The following RIC1 variants were observed in gnomAD, a reference collection of about 807,000 sequenced individuals.
RIC1 encodes guanine nucleotide exchange factor subunit RIC1.
A neutral mutation model predicts 169.0 loss-of-function variants in RIC1; 88 were observed. The ratio of observed to expected loss-of-function variants is 0.52; its 90% CI spans 0.44 to 0.62. The LOEUF is 0.62. Among genes scored for constraint, RIC1 ranks in the 20% least tolerant of loss-of-function variants. RIC1 has a pLI of 0.00. For missense variants in RIC1, 1,877 were observed against 1,725.5 expected (o/e 1.09, Z -1.56); for synonymous variants, 790 against 601.5 (o/e 1.31, Z -4.59).
chr9:5,648,222 G>C (rs992682215), intron 1 of RIC1, among the ~76,000 whole-genome samples: 3 of 152,138 alleles, frequency 2.0e-5, no homozygotes, highest in Non-Finnish European at 2.9e-5. Flanking sequence ...GACCTCAGGT[G>C]ATCCACCTGT....
At chr9:5,636,218 C>T (rs1304259763) in intron 1 of RIC1, among the ~76,000 whole-genome samples, 1 of 152,166 alleles carries the variant, frequency 6.6e-6, no homozygotes, top group Non-Finnish European at 1.5e-5. Flanking sequence ...TTTGTACCTT[C>T]TTCAGTTTAT....
At chr9:5,699,481 A>G (rs946576603) in intron 3 of RIC1, among the ~76,000 whole-genome samples, 1 of 146,396 alleles carries the variant, frequency 6.8e-6, no homozygotes, top group Non-Finnish European at 1.5e-5. Flanking sequence ...TATAGCTTAC[A>G]TTTATTTCAA....
Position 5,746,064 on chromosome 9 carries a change from T to C in RIC1, c.1229T>C (p.Leu410Pro). 1 of 1,613,458 alleles carries C rather than the reference T, an allele frequency of 6.2e-7. No individual in the cohort carries two copies. Among genetic ancestry groups the C allele is most frequent in the East Asian group, 2.2e-5 (1 of 44,874 alleles). Residue 410 changes from leucine (L) to proline (P), a missense_variant, in exon 11 of 26, where the codon CTC becomes CCC. Coordinates refer to ENST00000414202, the MANE Select transcript of RIC1 (RefSeq NM_020829.4). The part of the protein sequence containing the change: ...ILLFQFIKSV[L>P]TVNPCMSNQE... The stretch of plus-strand genomic sequence containing the variant: ...TTATTTCAGTTTATTAAGAGTGTAC[T>C]CACTGTAAACCCTTGTATGGTAAGT...
At chr9:5,671,851 C>T (rs1250798501) in intron 2 of RIC1, among the ~76,000 whole-genome samples, 2 of 152,108 alleles carry the variant, frequency 1.3e-5, no homozygotes, top group Non-Finnish European at 2.9e-5. Context: ...TTTGCCACTC[C>T]TTAAGGCACT....
intron 6 of RIC1, among the ~76,000 whole-genome samples, chr9:5,731,786 C>G (rs1175573386): frequency 6.6e-6 from 1 of 152,054 alleles, no homozygotes; most frequent in Non-Finnish European, 1.5e-5. Context: ...TTGAAACACC[C>G]TGAGAGGTAA....
At chr9:5,751,196 G>A (rs1319504815) in intron 12 of RIC1, among the ~76,000 whole-genome samples, 7 of 151,722 alleles carry the variant, frequency 4.6e-5, no homozygotes, top group Non-Finnish European at 8.8e-5. Context: ...TCCTTTTAGT[G>A]CAATGGATGA....
chr9:5,686,169 A>G (rs1006483514), intron 2 of RIC1, among the ~76,000 whole-genome samples: 2 of 151,374 alleles, frequency 1.3e-5, no homozygotes, highest in African/African-American at 4.9e-5. Context: ...ACAGTTTTAC[A>G]CTGTTGGTGG....
chr9:5,754,179 G>C (rs1825871389), intron 14 of RIC1, among the ~76,000 whole-genome samples: 1 of 152,062 alleles, frequency 6.6e-6, no homozygotes, highest in African/African-American at 2.4e-5. Context: ...AGGCACTACT[G>C]TTACTGATCT....
rs372487231 is a variant in RIC1 at position 5,742,779 on chromosome 9, G to C, written c.902-90G>C. ...CATACCTTTCTACTCATTTAGATTTGAAAATACAGATTGTATTTGAAAAAA... is the reference window on the plus strand; with the variant it reads ...CATACCTTTCTACTCATTTAGATTTCAAAATACAGATTGTATTTGAAAAAA... On this transcript the variant is annotated intron_variant, in intron 8 of 25. Coordinates refer to ENST00000414202, the MANE Select transcript of RIC1 (RefSeq NM_020829.4). 6.0e-5 allele frequency: 69 copies of C among 1,153,418 alleles called. 1 individual carries two copies. The African/African-American group carries it at 8.4e-4, about 14-fold the overall frequency. 71.4% of individuals were successfully genotyped at this position (1,153,418 alleles called of 1,614,324 possible). A position where few individuals can be genotyped will look rare whatever the true frequency, so the allele number is the denominator to read the frequency against.
intron 6 of RIC1, among the ~76,000 whole-genome samples, chr9:5,723,662 G>T (rs917749275): frequency 6.6e-6 from 1 of 152,148 alleles, no homozygotes; most frequent in Non-Finnish European, 1.5e-5. Context: ...GTATTGTCTA[G>T]GTTTTCTTCT....
At chr9:5,659,932 T>C (rs1029908035) in intron 2 of RIC1, among the ~76,000 whole-genome samples, 3 of 152,098 alleles carry the variant, frequency 2.0e-5, no homozygotes, top group African/African-American at 7.2e-5. Context: ...TTGCACAGAT[T>C]ATGCCATCAC....
intron 3 of RIC1, among the ~76,000 whole-genome samples, chr9:5,702,513 GTTTTGTTTTTGT>G (rs58007858): frequency 5.6e-4 from 84 of 150,866 alleles, no homozygotes; most frequent in Middle Eastern, 3.4e-3. Context: ...TTTTTGTTTT[GTTTTGTTTTTGT>G]TTTTGTTTTT....
At chr9:5,757,231 T>C (rs1586699724) in intron 16 of RIC1, 82 bp from the exon 17 acceptor site, 1 of 1,464,158 alleles carries the variant, frequency 6.8e-7, no homozygotes, top group East Asian at 2.3e-5. Flanking sequence ...AAGCATGAAA[T>C]CTAATACTAT....
chr9:5,753,779 GAT>G lies in RIC1; in HGVS notation c.1602+136_1602+137del, dbSNP rs1248961332. On this transcript the variant is annotated intron_variant, in intron 14 of 25. Coordinates refer to ENST00000414202, the MANE Select transcript of RIC1 (RefSeq NM_020829.4). ...TAAGGAAAATCAGATATAAAAAAGT[GAT>G]ATTGAATAATATGTAAGATTTGATT... 125 of 464,516 alleles carry G rather than the reference GAT, an allele frequency of 2.7e-4. 1 individual carries two copies. Among genetic ancestry groups the G allele is most frequent in the African/African-American group, 2.2e-3 (112 of 50,660 alleles). The allele number at this position is 464,516 out of a possible 1,614,324, so 28.8% of individuals were successfully genotyped here.
chr9:5,762,925 G>A (rs1826435428), intron 18 of RIC1, among the ~76,000 whole-genome samples: 1 of 152,194 alleles, frequency 6.6e-6, no homozygotes, highest in Admixed American at 6.5e-5. Flanking sequence ...GGATAGACTG[G>A]TGAAGTTCAT....
At chr9:5,639,402 G>A (rs1818127662) in intron 1 of RIC1, among the ~76,000 whole-genome samples, 1 of 152,166 alleles carries the variant, frequency 6.6e-6, no homozygotes, top group African/African-American at 2.4e-5. Context: ...GTGTTTATAT[G>A]ATTTCCAGAA....
intron 1 of RIC1, among the ~76,000 whole-genome samples, chr9:5,651,049 G>T (rs1818773070): frequency 6.6e-6 from 1 of 152,186 alleles, no homozygotes; most frequent in South Asian, 2.1e-4. Flanking sequence ...ACAGGACCCA[G>T]TGTGAGCTCT....
At position 5,738,500 on chromosome 9, in the gene RIC1, T is replaced by G. The variant is rs772093288; in HGVS notation, c.863T>G (p.Leu288Arg). ...GATAACAGCACTGGAGCCATGCTGC[T>G]ATCTCATAAATTAGAGCTAACAGCA... ...TIDNSTGAML[L>R]SHKLELTAKQ... The change falls in exon 8 of 26, where the codon CTA becomes CGA. Residue 288 changes from leucine to arginine, a missense_variant. Transcript: ENST00000414202. The G allele has an allele frequency of 1.2e-6, 2 of 1,605,632 alleles. No individual in the cohort carries two copies. Among genetic ancestry groups the G allele is most frequent in the African/African-American group, 1.3e-5 (1 of 74,514 alleles).
At position 5,696,192 on chromosome 9, in the gene RIC1, A is replaced by C. The variant is rs902130860; in HGVS notation, c.332+6154A>C. 2.0e-5 allele frequency among the ~76,000 whole-genome samples: 3 copies of C among 150,896 alleles called. No homozygotes were observed. The South Asian group carries it at 6.3e-4, about 32-fold the overall frequency. ...GTCTATTAAAAAAGCTTATTCACTA[A>C]CTCATTTCTCTTCCCCTAGTCTCTT... is the stretch of plus-strand genomic sequence containing the variant. On this transcript the variant is annotated intron_variant, in intron 3 of 25. Transcript: ENST00000414202.
Sources: gnomAD v4.1 joint callset for allele counts (sites outside exome capture counted in the v4.1 genomes callset) on GRCh38, gnomAD v4.1.1 for gene constraint, MANE v1.5 for transcripts, NCBI Gene and HGNC (gene_info 2026-07-23, HGNC 2026-07-21) for gene names.